Variants in GSG1L observed in about 807,000 individuals in gnomAD.
GSG1L encodes germ cell-specific gene 1-like protein.
GSG1L carries 24 observed loss-of-function variants against 42.1 expected under a neutral mutation model. The observed-to-expected ratio is 0.57, with a 90% confidence interval of 0.41 to 0.80. The LOEUF (loss-of-function observed/expected upper bound fraction) is 0.80, where lower values mean the gene tolerates loss of function less well. GSG1L is among the 30% of genes least tolerant of loss of function. The pLI, the probability that GSG1L is intolerant of heterozygous loss-of-function variation, is 0.00. For missense variants in GSG1L, 445 were observed against 472.2 expected, an observed-to-expected ratio of 0.94 and a Z score of 0.53; for synonymous variants, 215 against 203.5, an observed-to-expected ratio of 1.06 and a Z score of -0.48.
intron 3 of GSG1L, among the ~76,000 whole-genome samples, chr16:27,869,697 C>T (rs2083782913): frequency 2.3e-5 from 3 of 132,826 alleles, no homozygotes; most frequent in Admixed American, 8.1e-5. Context: ...GTCTCTGTCT[C>T]CCTCCATTTC....
At chr16:28,001,865 G>A (rs957428166) in intron 1 of GSG1L, among the ~76,000 whole-genome samples, 4 of 152,146 alleles carry the variant, frequency 2.6e-5, no homozygotes, top group South Asian at 2.1e-4. Flanking sequence ...GTCTCCACCC[G>A]CTGCTTGGCA....
chr16:28,054,352 C>A (rs1441419979), intron 1 of GSG1L, among the ~76,000 whole-genome samples: 4 of 152,176 alleles, frequency 2.6e-5, no homozygotes, highest in African/African-American at 9.7e-5. Flanking sequence ...GGGGCCAAGT[C>A]CTCTTCCATA....
chr16:27,896,895 G>A (rs68048783), intron 2 of GSG1L, among the ~76,000 whole-genome samples: 7,856 of 152,306 alleles, frequency 0.052, 288 homozygotes, highest in Non-Finnish European at 0.079. Flanking sequence ...ACAGATTCTC[G>A]CTCTGCTGCC....
chr16:27,896,665 C>G (rs2084195293), intron 2 of GSG1L, among the ~76,000 whole-genome samples: 1 of 152,086 alleles, frequency 6.6e-6, no homozygotes, highest in African/African-American at 2.4e-5. Flanking sequence ...AGTGTAATCA[C>G]AAGGGTCATT....
Position 28,002,645 on chromosome 16 carries a change from A to C in GSG1L, c.350-39442T>G, listed in dbSNP as rs535605201. 2.3e-3 allele frequency among the ~76,000 whole-genome samples: 351 copies of C among 151,774 alleles called. 3 individuals carry two copies. Among genetic ancestry groups the C allele is most frequent in the African/African-American group, 8.1e-3 (337 of 41,370 alleles). On this transcript the variant is annotated intron_variant, in intron 1 of 6. Coordinates refer to ENST00000447459, the MANE Select transcript of GSG1L (RefSeq NM_001109763.2). ...TCTCAAAACAAATTAAAAAGAAAAAAAGAGGCCAGGCGCGGTGGCTCACGC... is the reference window on the plus strand; with the variant it reads ...TCTCAAAACAAATTAAAAAGAAAAACAGAGGCCAGGCGCGGTGGCTCACGC...
At chr16:28,008,778 G>A (rs1354563858) in intron 1 of GSG1L, among the ~76,000 whole-genome samples, 1 of 152,224 alleles carries the variant, frequency 6.6e-6, no homozygotes, top group African/African-American at 2.4e-5. Flanking sequence ...AAGAAGCAAT[G>A]TCCAGAAAGT....
intron 1 of GSG1L, among the ~76,000 whole-genome samples, chr16:28,037,555 A>G (rs1435880816): frequency 6.6e-6 from 1 of 152,164 alleles, no homozygotes; most frequent in African/African-American, 2.4e-5. Context: ...CTCATGCTAT[A>G]TATAATATTT....
intron 1 of GSG1L, among the ~76,000 whole-genome samples, chr16:27,977,874 A>T (rs2085269318): frequency 6.6e-6 from 1 of 152,198 alleles, no homozygotes; most frequent in Non-Finnish European, 1.5e-5. Context: ...CAGAAAAGAC[A>T]AATGGAAGGT....
chr16:27,876,700 A>C (rs2083891845), intron 3 of GSG1L, among the ~76,000 whole-genome samples: 1 of 152,140 alleles, frequency 6.6e-6, no homozygotes. Flanking sequence ...CTTGGCCCCC[A>C]GGCCTCCAGG....
At chr16:27,967,284 G>T (rs1366262739) in intron 1 of GSG1L, among the ~76,000 whole-genome samples, 1 of 152,226 alleles carries the variant, frequency 6.6e-6, no homozygotes. Flanking sequence ...TGGAGGCAGC[G>T]GTGGGAGATG....
chr16:28,016,606 T>C (rs1314811436), intron 1 of GSG1L, among the ~76,000 whole-genome samples: 4 of 152,176 alleles, frequency 2.6e-5, no homozygotes, highest in Non-Finnish European at 5.9e-5. Context: ...TAGGAATGCA[T>C]GTATGGAATG....
At chr16:27,980,487 C>A (rs561742829) in intron 1 of GSG1L, among the ~76,000 whole-genome samples, 24 of 152,158 alleles carry the variant, frequency 1.6e-4, no homozygotes, top group Non-Finnish European at 3.4e-4. Context: ...ATGCTTTATG[C>A]GCCTACCAAC....
Position 28,063,544 on chromosome 16 carries a change from T to G in GSG1L, c.-120A>C, listed in dbSNP as rs1596745228. 2 of 445,358 alleles carry G rather than the reference T, an allele frequency of 4.5e-6. No homozygotes were observed. The highest frequency in any genetic ancestry group is 3.0e-6 in the Non-Finnish European group (1 of 330,424). The allele number at this position is 445,358 out of a possible 1,614,324, so 27.6% of individuals were successfully genotyped here. On this transcript the variant is annotated 5_prime_UTR_variant, in exon 1 of 7. Coordinates refer to ENST00000447459, the MANE Select transcript of GSG1L (RefSeq NM_001109763.2). This position sits in a 1 kb window ranked among gnomAD's most constrained non-coding sequence, Gnocchi z 5.8. Reference sequence around the variant, plus strand: ...CGCCCCGGGGCTCGGGTGCCTGAGATCGGCGGCGGCGGACGCGGCGCGGGC... The same window carrying G: ...CGCCCCGGGGCTCGGGTGCCTGAGAGCGGCGGCGGCGGACGCGGCGCGGGC...
intron 1 of GSG1L, among the ~76,000 whole-genome samples, chr16:28,006,785 A>T (rs1041440087): frequency 6.6e-6 from 1 of 152,284 alleles, no homozygotes; most frequent in African/African-American, 2.4e-5. Flanking sequence ...TGATCTGGTC[A>T]ACCAAGCCCT....
At chr16:27,965,170 C>T (rs1335470688) in intron 1 of GSG1L, among the ~76,000 whole-genome samples, 1 of 152,022 alleles carries the variant, frequency 6.6e-6, no homozygotes, top group Non-Finnish European at 1.5e-5. Flanking sequence ...AGGCACCCAC[C>T]ATCACGCCCA....
intron 3 of GSG1L, among the ~76,000 whole-genome samples, chr16:27,871,210 G>A (rs2083815922): frequency 6.6e-6 from 1 of 152,154 alleles, no homozygotes; most frequent in Non-Finnish European, 1.5e-5. Context: ...CATGTAGCAG[G>A]TGGAGGCCAG....
intron 1 of GSG1L, among the ~76,000 whole-genome samples, chr16:28,017,394 CT>C (rs2085793711): frequency 6.6e-6 from 1 of 152,210 alleles, no homozygotes; most frequent in South Asian, 2.1e-4. Flanking sequence ...GGTGCAACCA[CT>C]TGGGAAAACT....
intron 1 of GSG1L, among the ~76,000 whole-genome samples, chr16:28,058,067 C>T (rs558302330): frequency 2.8e-4 from 42 of 152,338 alleles, no homozygotes; most frequent in African/African-American, 8.4e-4. Flanking sequence ...CTCGTGACTC[C>T]AGATGCAGTG....
intron 1 of GSG1L, among the ~76,000 whole-genome samples, chr16:28,036,591 C>G (rs1468621894): frequency 6.6e-6 from 1 of 152,182 alleles, no homozygotes; most frequent in Non-Finnish European, 1.5e-5. Context: ...CCCCCTTCAC[C>G]AGGACTTCCT....
Sources: gnomAD v4.1 joint callset for allele counts (sites outside exome capture counted in the v4.1 genomes callset) on GRCh38, gnomAD v4.1.1 for gene constraint, Gnocchi (gnomAD v3.1) non-coding constraint, MANE v1.5 for transcripts, NCBI Gene and HGNC (gene_info 2026-07-23, HGNC 2026-07-21) for gene names.